Variants in C13orf46 observed in about 807,000 individuals in gnomAD.
The protein encoded by C13orf46 is uncharacterized protein C13orf46.
chr13:113,934,612 G>A, the C13orf46 span, among the ~76,000 whole-genome samples: 1 of 152,256 alleles, frequency 6.6e-6, no homozygotes, highest in Non-Finnish European at 1.5e-5. Context: ...ATTGGCTACG[G>A]TGAATCGAAC....
chr13:113,949,316 G>C (rs989789733), downstream of C13orf46, among the ~76,000 whole-genome samples: 23 of 152,324 alleles, frequency 1.5e-4, no homozygotes, highest in Middle Eastern at 0.01. Flanking sequence ...GAATCTGAGG[G>C]GATGTAAAGT....
intron 6 of C13orf46, among the ~76,000 whole-genome samples, chr13:113,963,450 G>A: frequency 8.3e-6 from 1 of 120,844 alleles, no homozygotes; most frequent in Non-Finnish European, 1.7e-5. Flanking sequence ...CTCGGCCCCT[G>A]TCCTCAGCTT....
chr13:113,973,411 C>T (rs937614246), intron 1 of C13orf46, among the ~76,000 whole-genome samples: 3 of 152,140 alleles, frequency 2.0e-5, no homozygotes, highest in East Asian at 3.9e-4. Flanking sequence ...CGGAGCCGGA[C>T]GAGGATACAA....
chr13:113,952,407 T>G (rs2052492978), downstream of C13orf46, among the ~76,000 whole-genome samples: 1 of 150,672 alleles, frequency 6.6e-6, no homozygotes. Context: ...GGCCGCTGTG[T>G]GGCCGCCGCT....
chr13:113,934,351 C>T, the C13orf46 span, among the ~76,000 whole-genome samples: 2 of 152,172 alleles, frequency 1.3e-5, no homozygotes, highest in Admixed American at 6.5e-5. Context: ...GGAGTACAAT[C>T]GCTGGGTCAT....
At chr13:113,973,151 C>T (rs566051490) in intron 1 of C13orf46, among the ~76,000 whole-genome samples, 2 of 152,254 alleles carry the variant, frequency 1.3e-5, no homozygotes, top group Non-Finnish European at 2.9e-5. Flanking sequence ...CTCCCATCCT[C>T]TTCCTAAACA....
the C13orf46 span, among the ~76,000 whole-genome samples, chr13:113,938,523 C>G: frequency 6.6e-6 from 1 of 152,208 alleles, no homozygotes; most frequent in Non-Finnish European, 1.5e-5. Flanking sequence ...AGACCTTACG[C>G]TGGGTCCAGC....
chr13:113,943,967 G>GCCTCT, the C13orf46 span, among the ~76,000 whole-genome samples: 1 of 152,170 alleles, frequency 6.6e-6, no homozygotes, highest in Non-Finnish European at 1.5e-5. Flanking sequence ...GGGCTGCTCT[G>GCCTCT]CCTCTCCTCT....
rs1391898983 is a variant in C13orf46, at chr13:113,956,274, AGAG to A, written c.*496_*498del. ...CGACGAGAGGAGGAACATCCGGTGG[AGAG>A]GAGGAGCATCTGGTGGAGACGAGGA... is the stretch of plus-strand genomic sequence containing the variant. On this transcript the variant is annotated 3_prime_UTR_variant, in exon 7 of 7. Transcript: ENST00000636427. 1 of 154,158 alleles carries A rather than the reference AGAG, an allele frequency of 6.5e-6. No individual in the cohort carries two copies. The highest frequency in any genetic ancestry group is 1.4e-5 in the Non-Finnish European group (1 of 70,500). 9.5% of individuals were successfully genotyped at this position (154,158 alleles called of 1,614,324 possible).
chr13:113,952,678 G>T (rs2052494035), downstream of C13orf46, among the ~76,000 whole-genome samples: 1 of 152,226 alleles, frequency 6.6e-6, no homozygotes, highest in South Asian at 2.1e-4. Context: ...TGAAGGCCAA[G>T]GGCAGCGTCC....
the C13orf46 span, among the ~76,000 whole-genome samples, chr13:113,934,611 G>A: frequency 3.9e-5 from 6 of 152,242 alleles, no homozygotes; most frequent in East Asian, 5.8e-4. Context: ...AATTGGCTAC[G>A]GTGAATCGAA....
chr13:113,958,759 C>T (rs2052563157), intron 6 of C13orf46, among the ~76,000 whole-genome samples: 1 of 152,162 alleles, frequency 6.6e-6, no homozygotes, highest in Non-Finnish European at 1.5e-5. Flanking sequence ...CATGAAGGGA[C>T]TCCTAGCGGA....
rs1050543485 is a variant in C13orf46 at position 113,956,153 on chromosome 13, A to G, written c.*620T>C. 0.057 allele frequency: 7,616 copies of G among 132,826 alleles called. 654 individuals are homozygous for G. Among genetic ancestry groups the G allele is most frequent in the African/African-American group, 0.2 (6,969 of 35,058 alleles). The allele number at this position is 132,826 out of a possible 1,614,324, so 8.2% of individuals were successfully genotyped here. On this transcript the variant is annotated 3_prime_UTR_variant, in exon 7 of 7. Coordinates refer to ENST00000636427, the MANE Select transcript of C13orf46 (RefSeq NM_001365455.2). Reference sequence around the variant, plus strand: ...CGGAGAGGAGGAGTAGTATTTGGCGAAGAGGAGGAGCATCCGGCGGAGACA... The same window carrying G: ...CGGAGAGGAGGAGTAGTATTTGGCGGAGAGGAGGAGCATCCGGCGGAGACA...
the C13orf46 span, among the ~76,000 whole-genome samples, chr13:113,947,228 CCG>C: frequency 6.6e-6 from 1 of 152,334 alleles, no homozygotes; most frequent in East Asian, 1.9e-4. Context: ...ATCTTCCACA[CCG>C]TGGCTCCAGG....
chr13:113,943,952 C>G, the C13orf46 span, among the ~76,000 whole-genome samples: 1 of 152,202 alleles, frequency 6.6e-6, no homozygotes. Context: ...TTGGTCATCA[C>G]TGACGGGCTG....
intron 2 of C13orf46, among the ~76,000 whole-genome samples, chr13:113,969,340 T>C (rs1177212544): frequency 6.6e-6 from 1 of 152,250 alleles, no homozygotes; most frequent in Non-Finnish European, 1.5e-5. Context: ...GAGCAGACGC[T>C]TTCAGCTTTG....
the C13orf46 span, among the ~76,000 whole-genome samples, chr13:113,932,741 T>C: frequency 1.8e-4 from 28 of 152,362 alleles, no homozygotes; most frequent in African/African-American, 6.3e-4. Flanking sequence ...GGTTTTTTCA[T>C]GTAGTTTGAA....
the C13orf46 span, among the ~76,000 whole-genome samples, chr13:113,939,334 T>TG: frequency 6.7e-5 from 10 of 149,726 alleles, no homozygotes; most frequent in African/African-American, 2.5e-4. Flanking sequence ...GACCACCCGA[T>TG]GGGGAGGACA....
the C13orf46 span, among the ~76,000 whole-genome samples, chr13:113,931,259 C>T: frequency 0.019 from 2,854 of 152,320 alleles, 38 homozygotes; most frequent in Non-Finnish European, 0.027. Flanking sequence ...AACCCAACAG[C>T]GTGCAGTCTT....
Sources: allele counts gnomAD v4.1 joint callset (sites outside exome capture counted in the v4.1 genomes callset), GRCh38; gene constraint gnomAD v4.1.1; transcripts MANE v1.5; gene names NCBI Gene and HGNC (gene_info 2026-07-23, HGNC 2026-07-21).